The following CTNNA2 variants were observed in gnomAD, a reference collection of about 807,000 sequenced individuals.
CTNNA2 encodes the protein catenin alpha 2.
Under a neutral mutation model 101.0 loss-of-function variants are expected in CTNNA2, and 42 were observed. The observed-to-expected ratio is 0.42, with a 90% confidence interval of 0.32 to 0.54. The LOEUF (loss-of-function observed/expected upper bound fraction) is 0.54. CTNNA2 is among the 20% of genes least tolerant of loss of function. The pLI, the probability that CTNNA2 is intolerant of heterozygous loss-of-function variation, is 0.14. For synonymous variants in CTNNA2, 450 were observed against 456.4 expected, an observed-to-expected ratio of 0.99 and a Z score of 0.18; for missense variants, 871 against 1,223.1, an observed-to-expected ratio of 0.71 and a Z score of 4.29.
chr2:79,408,853 T>C lies in CTNNA2; in HGVS notation c.-135+34840T>C, dbSNP rs541623321. On this transcript the variant is annotated intron_variant, in intron 4 of 21. Coordinates refer to the CTNNA2 transcript ENST00000466387. ...CTGGGTCAAATGGTATTTCTAGTTCTAGATCCCTGAGGAATCGCCACACTG... is the reference window on the plus strand; with the variant it reads ...CTGGGTCAAATGGTATTTCTAGTTCCAGATCCCTGAGGAATCGCCACACTG... Among the ~76,000 whole-genome samples, 43 of 151,902 alleles carry C rather than the reference T, an allele frequency of 2.8e-4. 1 individual carries two copies. The South Asian group carries it at 8.4e-3, about 30-fold the overall frequency.
Position 79,433,173 on chromosome 2 carries a change from T to A in CTNNA2, c.-135+59160T>A, listed in dbSNP as rs534988454. On this transcript the variant is annotated intron_variant, in intron 4 of 21. Coordinates refer to the CTNNA2 transcript ENST00000466387. ...TGTTCTCATAGAACTTTACACTTGC[T>A]TCTCACTTTGACAGTATTTTCAAAT... Among the ~76,000 whole-genome samples the A allele has an allele frequency of 3.2e-4, 49 of 152,324 alleles. No individual in the cohort carries two copies. The Middle Eastern group carries it at 0.01, about 32-fold the overall frequency.
chr2:79,955,444 T>C (rs549877103), intron 7 of CTNNA2, among the ~76,000 whole-genome samples: 81 of 152,154 alleles, frequency 5.3e-4, no homozygotes, highest in Non-Finnish European at 9.8e-4. Flanking sequence ...ATTCCACAGG[T>C]CAGAGTGTAG....
chr2:79,843,154 A>G (rs768451115), intron 3 of CTNNA2, among the ~76,000 whole-genome samples: 5 of 152,246 alleles, frequency 3.3e-5, no homozygotes, highest in African/African-American at 4.8e-5. Context: ...TTTGCCAGCT[A>G]TTGGTGCCAA....
chr2:79,275,937 C>G (rs1342606520), intron 2 of CTNNA2, among the ~76,000 whole-genome samples: 3 of 151,806 alleles, frequency 2.0e-5, no homozygotes, highest in Non-Finnish European at 1.5e-5. Flanking sequence ...AAGAAAGGAG[C>G]ATAGAATTAG....
At chr2:80,407,550 A>G (rs1394029299) in intron 8 of CTNNA2, among the ~76,000 whole-genome samples, 1 of 152,226 alleles carries the variant, frequency 6.6e-6, no homozygotes, top group Non-Finnish European at 1.5e-5. Context: ...ACTGGCTCAC[A>G]AAGGACAAAA....
chr2:80,121,273 T>C (rs576628301), intron 7 of CTNNA2, among the ~76,000 whole-genome samples: 5 of 152,346 alleles, frequency 3.3e-5, no homozygotes, highest in East Asian at 1.9e-4. Context: ...CTACCACTTA[T>C]TAGTTATATC....
At chr2:79,845,773 C>G (rs1242507237) in intron 3 of CTNNA2, among the ~76,000 whole-genome samples, 1 of 152,072 alleles carries the variant, frequency 6.6e-6, no homozygotes, top group Admixed American at 6.6e-5. Flanking sequence ...CGTTCATTAC[C>G]CATTGTCAGA....
At chr2:80,149,025 T>A (rs1900262) in intron 7 of CTNNA2, among the ~76,000 whole-genome samples, 9,994 of 90,204 alleles carry the variant, frequency 0.11, 687 homozygotes, top group African/African-American at 0.36. Context: ...ATTTTGTTAT[T>A]TTTTTTTTTT....
intron 4 of CTNNA2, among the ~76,000 whole-genome samples, chr2:79,375,978 C>T (rs965124148): frequency 6.6e-6 from 1 of 152,080 alleles, no homozygotes; most frequent in African/African-American, 2.4e-5. Context: ...TGCATCCTAC[C>T]AAGAGAAACC....
At chr2:79,462,188 T>A (rs979150259) in intron 4 of CTNNA2, among the ~76,000 whole-genome samples, 2 of 152,342 alleles carry the variant, frequency 1.3e-5, no homozygotes, top group Middle Eastern at 3.4e-3. Context: ...TTATGATTGA[T>A]GAATTCTGTA....
rs943075059 is a variant in CTNNA2 at position 80,397,616 on chromosome 2, T to A, written c.1137+4325T>A. ...CCTGCCGCCGTGTATGATGTGACTT[T>A]GCTCTTCCTCCACCTTCCTCCAGGG... On this transcript the variant is annotated intron_variant, in intron 8 of 18. Transcript: ENST00000402739. Among the ~76,000 whole-genome samples the A allele has an allele frequency of 4.6e-5, 7 of 152,316 alleles. No homozygotes were observed. In the East Asian group the frequency reaches 1.4e-3, roughly 29 times the overall value.
intron 5 of CTNNA2, among the ~76,000 whole-genome samples, chr2:79,506,071 T>C (rs1671406650): frequency 6.6e-6 from 1 of 152,180 alleles, no homozygotes; most frequent in African/African-American, 2.4e-5. Context: ...GTTTGTAGAA[T>C]TGGAGATCTA....
chr2:80,404,038 G>A (rs1297376044), intron 8 of CTNNA2, among the ~76,000 whole-genome samples: 6 of 152,078 alleles, frequency 3.9e-5, no homozygotes, highest in African/African-American at 7.2e-5. Context: ...TTTTTGCATC[G>A]ATATTCATCA....
At chr2:80,077,300 A>G (rs1193295302) in intron 7 of CTNNA2, among the ~76,000 whole-genome samples, 1 of 152,190 alleles carries the variant, frequency 6.6e-6, no homozygotes, top group African/African-American at 2.4e-5. Flanking sequence ...AAAACTATAT[A>G]TTTAGAATGA....
intron 9 of CTNNA2, among the ~76,000 whole-genome samples, chr2:80,473,840 ATG>A (rs745639749): frequency 1.4e-4 from 22 of 152,112 alleles, no homozygotes; most frequent in Non-Finnish European, 2.9e-4. Flanking sequence ...CTGCTCACAG[ATG>A]TGTGTTTGTT....
At chr2:79,429,373 G>T (rs537550928) in intron 4 of CTNNA2, among the ~76,000 whole-genome samples, 1 of 152,166 alleles carries the variant, frequency 6.6e-6, no homozygotes, top group African/African-American at 2.4e-5. Flanking sequence ...ATCTAACTCA[G>T]AAGTTTCTTG....
intron 9 of CTNNA2, among the ~76,000 whole-genome samples, chr2:80,486,675 A>G (rs532411827): frequency 1.2e-3 from 176 of 152,192 alleles, no homozygotes; most frequent in Non-Finnish European, 2.2e-3. Flanking sequence ...CAGTTTTTTC[A>G]TGAGCTTTTT....
chr2:80,447,757 G>A (rs1449136764), intron 9 of CTNNA2, among the ~76,000 whole-genome samples: 1 of 151,680 alleles, frequency 6.6e-6, no homozygotes, highest in Non-Finnish European at 1.5e-5. Flanking sequence ...ACAAACACAT[G>A]GGTGGGAATT....
At chr2:79,988,382 G>T (rs562141353) in intron 7 of CTNNA2, among the ~76,000 whole-genome samples, 1 of 151,988 alleles carries the variant, frequency 6.6e-6, no homozygotes, top group Non-Finnish European at 1.5e-5. Context: ...TGACCAAGAG[G>T]GCATGTTAAA....
Sources: allele counts gnomAD v4.1 joint callset (sites outside exome capture counted in the v4.1 genomes callset), GRCh38; gene constraint gnomAD v4.1.1; transcripts MANE v1.5; gene names NCBI Gene and HGNC (gene_info 2026-07-23, HGNC 2026-07-21).